The following RASAL2 variants were observed in gnomAD, a reference collection of about 807,000 sequenced individuals.
RASAL2 encodes the protein RAS protein activator like 2.
A neutral mutation model predicts 128.9 loss-of-function variants in RASAL2; 58 were observed. That is an observed-to-expected ratio of 0.45 (90% CI 0.36 to 0.56). RASAL2 has a LOEUF of 0.56. Ranked by LOEUF, RASAL2 falls within the 20% of genes least tolerant of loss-of-function variation. The probability of loss-of-function intolerance (pLI) is 0.00; values close to 1 mark genes in which losing one functional copy is unlikely to be tolerated. For synonymous variants in RASAL2, 561 were observed against 580.8 expected, an observed-to-expected ratio of 0.97 and a Z score of 0.49; for missense variants, 1,360 against 1,601.6, an observed-to-expected ratio of 0.85 and a Z score of 2.57.
chr1:178,261,797 A>T (rs886848137), intron 1 of RASAL2, among the ~76,000 whole-genome samples: 3 of 151,864 alleles, frequency 2.0e-5, no homozygotes, highest in African/African-American at 4.8e-5. Context: ...GGCGCCTGTC[A>T]TCCCAGCTAC....
At chr1:178,288,700 G>C (rs1381934923) in intron 2 of RASAL2, among the ~76,000 whole-genome samples, 9 of 134,282 alleles carry the variant, frequency 6.7e-5, no homozygotes, top group Non-Finnish European at 1.4e-4. Flanking sequence ...ACCCAGGCTG[G>C]AGTGCAATGG....
At chr1:178,354,169 G>C (rs1670670009) in intron 3 of RASAL2, among the ~76,000 whole-genome samples, 1 of 152,124 alleles carries the variant, frequency 6.6e-6, no homozygotes, top group African/African-American at 2.4e-5. Context: ...TATGACTAAA[G>C]TTGGGTTTAT....
chr1:178,399,122 C>T (rs1339291327), intron 4 of RASAL2, among the ~76,000 whole-genome samples: 1 of 152,184 alleles, frequency 6.6e-6, no homozygotes, highest in African/African-American at 2.4e-5. Flanking sequence ...TGCTGCCTCC[C>T]TGGAATGAAT....
intron 3 of RASAL2, among the ~76,000 whole-genome samples, chr1:178,324,347 G>A (rs1668930478): frequency 6.6e-6 from 1 of 151,720 alleles, no homozygotes; most frequent in South Asian, 2.1e-4. Context: ...TTTGGTCCAG[G>A]ATTTTGAGGC....
chr1:178,162,141 T>C lies in RASAL2; in HGVS notation c.202+67447T>C, dbSNP rs183052469. ...CACCACGCCTGGCTAATTTTTTGTATTTTTTAGTAGAGACGGGGTTTCACC... is the reference window on the plus strand; with the variant it reads ...CACCACGCCTGGCTAATTTTTTGTACTTTTTAGTAGAGACGGGGTTTCACC... On this transcript the variant is annotated intron_variant, in intron 1 of 17. Coordinates refer to ENST00000367649, the MANE Select transcript of RASAL2 (RefSeq NM_170692.4). Among the ~76,000 whole-genome samples the C allele has an allele frequency of 9.6e-3, 1,431 of 148,836 alleles. 12 individuals are homozygous for C. The highest frequency in any genetic ancestry group is 0.016 in the Non-Finnish European group (1,067 of 67,220).
intron 11 of RASAL2, 144 bp from the exon 12 acceptor site, chr1:178,454,303 A>C (rs556007634): frequency 1.6e-6 from 1 of 613,350 alleles, no homozygotes; most frequent in Non-Finnish European, 2.8e-6. Flanking sequence ...GTATGTTATA[A>C]CATTTATCAC....
chr1:178,132,819 A>T (rs1225003690), intron 1 of RASAL2, among the ~76,000 whole-genome samples: 2 of 137,162 alleles, frequency 1.5e-5, no homozygotes, highest in African/African-American at 5.6e-5. Flanking sequence ...CCCAGGTTGG[A>T]GTGCAGTGGT....
intron 1 of RASAL2, among the ~76,000 whole-genome samples, chr1:178,148,766 A>G (rs1660814826): frequency 1.3e-5 from 2 of 152,134 alleles, no homozygotes; most frequent in Non-Finnish European, 2.9e-5. Flanking sequence ...ACTGAATTAG[A>G]TTTAGAAATT....
Position 178,473,270 on chromosome 1 carries a change from A to G in RASAL2, c.*31A>G. The G allele has an allele frequency of 6.2e-7, 1 of 1,612,878 alleles. No individual in the cohort carries two copies. On this transcript the variant is annotated 3_prime_UTR_variant, in exon 18 of 18. Coordinates refer to ENST00000367649, the MANE Select transcript of RASAL2 (RefSeq NM_170692.4). ...TTTGTCTGTGGAAGGAGACAGAAGG[A>G]AATTGACCCACTCTCCTATCTCCAG...
chr1:178,423,593 G>C (rs188004326), intron 5 of RASAL2, among the ~76,000 whole-genome samples: 1 of 152,038 alleles, frequency 6.6e-6, no homozygotes, highest in African/African-American at 2.4e-5. Context: ...AGAGAAATTC[G>C]TAAGTTGCCT....
intron 4 of RASAL2, among the ~76,000 whole-genome samples, chr1:178,395,803 A>T (rs115742033): frequency 0.063 from 9,193 of 145,548 alleles, 729 homozygotes; most frequent in African/African-American, 0.16. Context: ...TTATTTATTC[A>T]TATGTGTATG....
chr1:178,128,614 T>G (rs1403611546), intron 1 of RASAL2, among the ~76,000 whole-genome samples: 1 of 152,164 alleles, frequency 6.6e-6, no homozygotes, highest in Non-Finnish European at 1.5e-5. Flanking sequence ...ATTTATAAAG[T>G]CGTATAACCA....
At chr1:178,466,148 TGG>T (rs1231408055) in intron 16 of RASAL2, 26 bp downstream of exon 16, 1 of 1,518,650 alleles carries the variant, frequency 6.6e-7, no homozygotes, top group Non-Finnish European at 8.8e-7. Flanking sequence ...GCAGCAGATG[TGG>T]GCTAGTTAGC....
intron 1 of RASAL2, among the ~76,000 whole-genome samples, chr1:178,233,455 A>G (rs138703063): frequency 1.8e-4 from 28 of 152,320 alleles, no homozygotes; most frequent in African/African-American, 6.3e-4. Context: ...GCTGTTTCCA[A>G]TCTGGGAAAG....
chr1:178,124,598 A>C (rs1223265567), intron 1 of RASAL2, among the ~76,000 whole-genome samples: 1 of 152,156 alleles, frequency 6.6e-6, no homozygotes, highest in Non-Finnish European at 1.5e-5. Flanking sequence ...TTTTACCGTT[A>C]GTTTACTCTT....
chr1:178,148,332 A>T (rs1020122852), intron 1 of RASAL2, among the ~76,000 whole-genome samples: 1 of 152,154 alleles, frequency 6.6e-6, no homozygotes, highest in African/African-American at 2.4e-5. Context: ...AATTGTCTGG[A>T]GGAAAGCCAT....
intron 1 of RASAL2, among the ~76,000 whole-genome samples, chr1:178,204,129 A>C (rs1286483674): frequency 1.3e-5 from 2 of 152,230 alleles, no homozygotes; most frequent in African/African-American, 2.4e-5. Flanking sequence ...ATATTTGTAC[A>C]TTTATACACT....
At chr1:178,349,192 G>A (rs1390948019) in intron 3 of RASAL2, among the ~76,000 whole-genome samples, 4 of 150,646 alleles carry the variant, frequency 2.7e-5, no homozygotes, top group East Asian at 2.0e-4. Flanking sequence ...AGGCTGAGGC[G>A]GGCAGATCAC....
intron 1 of RASAL2, among the ~76,000 whole-genome samples, chr1:178,116,226 A>G (rs778314697): frequency 6.6e-6 from 1 of 152,074 alleles, no homozygotes; most frequent in Non-Finnish European, 1.5e-5. Flanking sequence ...CTTTTTTATT[A>G]TCTAACTTGT....
Sources: gnomAD v4.1 joint callset for allele counts (sites outside exome capture counted in the v4.1 genomes callset) on GRCh38, gnomAD v4.1.1 for gene constraint, MANE v1.5 for transcripts, NCBI Gene and HGNC (gene_info 2026-07-23, HGNC 2026-07-21) for gene names.